Variants in SLC5A10 observed in about 807,000 individuals in gnomAD.
SLC5A10 encodes solute carrier family 5 member 10.
In SLC5A10, 55 loss-of-function variants were observed where a neutral mutation model predicts 68.9. The ratio of observed to expected loss-of-function variants is 0.80; its 90% CI spans 0.64 to 1.00. SLC5A10 has a LOEUF of 1.00. Among genes scored for constraint, SLC5A10 ranks in the 50% least tolerant of loss-of-function variants. The pLI is 0.00. For missense variants in SLC5A10, 732 were observed against 819.3 expected (o/e 0.89, Z 1.30); for synonymous variants, 344 against 344.8 (o/e 1.00, Z 0.02).
At position 18,960,836 on chromosome 17, in the gene SLC5A10, C is replaced by A. The variant is rs534290540; in HGVS notation, c.453+184C>A. On this transcript the variant is annotated intron_variant, in intron 5 of 14. Transcript: ENST00000395645. ...GCGAGTCTGGACAGGTAGTCCAGGGCCCCCGGGGTGTAGGCTCAGCAGCCA... is the reference window on the plus strand; with the variant it reads ...GCGAGTCTGGACAGGTAGTCCAGGGACCCCGGGGTGTAGGCTCAGCAGCCA... Among the ~76,000 whole-genome samples the A allele has an allele frequency of 3.3e-5, 5 of 152,254 alleles. No individual in the cohort carries two copies. In the South Asian group the frequency reaches 8.3e-4, roughly 25 times the overall value.
At chr17:18,978,992 C>A in intron 9 of SLC5A10, 1 of 929,532 alleles carries the variant, frequency 1.1e-6, no homozygotes, top group Non-Finnish European at 1.6e-6. Flanking sequence ...AGAGCAGGTG[C>A]ATACTGTGGG....
intron 9 of SLC5A10, among the ~76,000 whole-genome samples, chr17:18,990,993 C>T (rs2043407883): frequency 6.6e-6 from 1 of 152,216 alleles, no homozygotes; most frequent in South Asian, 2.1e-4. Flanking sequence ...GGCATCAGTC[C>T]TGGGCCCTTG....
chr17:19,021,948 C>A lies in SLC5A10; in HGVS notation c.*1517C>A. On this transcript the variant is annotated 3_prime_UTR_variant, in exon 15 of 15. Transcript: ENST00000395645. This position sits in a 1 kb window ranked among gnomAD's most constrained non-coding sequence, Gnocchi z 4.1. ...AAAAAGGCCCGTTGGCCAGATCGGC[C>A]GCCGGGCTGCTCACAGGTGCACGGG... 1 of 1,504,592 alleles carries A rather than the reference C, an allele frequency of 6.6e-7. No homozygotes were observed. The highest frequency in any genetic ancestry group is 8.9e-7 in the Non-Finnish European group (1 of 1,127,702). 93.2% of individuals were successfully genotyped at this position (1,504,592 alleles called of 1,614,324 possible). A position where few individuals can be genotyped will look rare whatever the true frequency, so the allele number is the denominator to read the frequency against.
chr17:19,005,661 A>C (rs2043866675), intron 9 of SLC5A10, among the ~76,000 whole-genome samples: 1 of 141,036 alleles, frequency 7.1e-6, no homozygotes, highest in African/African-American at 2.8e-5. Flanking sequence ...CCCCCCTCCA[A>C]GGCCTTCTCC....
intron 5 of SLC5A10, among the ~76,000 whole-genome samples, chr17:18,966,763 A>C (rs1454401338): frequency 6.6e-6 from 1 of 151,354 alleles, no homozygotes; most frequent in East Asian, 1.9e-4. Context: ...AAAAAAAAAA[A>C]AAACAACACT....
intron 9 of SLC5A10, chr17:18,988,421 G>A: frequency 6.2e-7 from 1 of 1,613,592 alleles, no homozygotes; most frequent in African/African-American, 1.3e-5. Flanking sequence ...TCACCTGGGA[G>A]CAAGAAGAGA....
At chr17:19,002,242 C>T (rs914087729) in intron 9 of SLC5A10, among the ~76,000 whole-genome samples, 1 of 152,242 alleles carries the variant, frequency 6.6e-6, no homozygotes, top group Non-Finnish European at 1.5e-5. Flanking sequence ...AACCCGAAGC[C>T]TCAAAGCTGC....
chr17:18,976,547 C>A, intron 8 of SLC5A10: 1 of 356,768 alleles, frequency 2.8e-6, no homozygotes, highest in Non-Finnish European at 5.1e-6. Flanking sequence ...CCCAGGGTCT[C>A]CTCCAGCCCT....
rs189803890 is a variant in SLC5A10, at chr17:18,981,576, T to C, written c.982+4587T>C. On this transcript the variant is annotated intron_variant, in intron 9 of 14. Coordinates refer to ENST00000395645, the MANE Select transcript of SLC5A10 (RefSeq NM_001042450.4). ...CTGCCCGCCATGCCATCCAGCCTCC[T>C]GCCCTGCCAGTCCTTTCCGTGTCCC... Among the ~76,000 whole-genome samples the C allele has an allele frequency of 3.3e-3, 502 of 152,264 alleles. 3 individuals are homozygous for C. Among genetic ancestry groups the C allele is most frequent in the African/African-American group, 0.012 (488 of 41,556 alleles).
rs72836758 is a variant in SLC5A10, at chr17:19,019,655, G to T, written c.1411-58G>T. The T allele has an allele frequency of 1.3e-3, 2,129 of 1,601,926 alleles. 3 individuals are homozygous for T. Among genetic ancestry groups the T allele is most frequent in the Non-Finnish European group, 1.6e-3 (1,909 of 1,176,228 alleles). Reference sequence around the variant, plus strand: ...CAATTTGCTCTTCCCTGCTGCCTGTGGGGGGAGCCTTGGTCCTCCTCCCGT... The same window carrying T: ...CAATTTGCTCTTCCCTGCTGCCTGTTGGGGGAGCCTTGGTCCTCCTCCCGT... On this transcript the variant is annotated intron_variant, in intron 12 of 14. Transcript: ENST00000395645.
At chr17:18,969,497 T>G in intron 7 of SLC5A10, 75 bp downstream of exon 7, 2 of 1,378,906 alleles carry the variant, frequency 1.5e-6, no homozygotes, top group Non-Finnish European at 2.0e-6. Flanking sequence ...TGCCCGGCAC[T>G]GTGCAGGATT....
intron 8 of SLC5A10, 145 bp from the exon 9 acceptor site, chr17:18,976,709 C>T (rs961748949): frequency 1.0e-5 from 11 of 1,088,042 alleles, no homozygotes; most frequent in Admixed American, 2.4e-5. Flanking sequence ...AGTATTGGGG[C>T]TTTGAGTGTG....
At chr17:19,008,496 C>T (rs1490398114) in intron 9 of SLC5A10, among the ~76,000 whole-genome samples, 2 of 147,088 alleles carry the variant, frequency 1.4e-5, no homozygotes, top group African/African-American at 5.3e-5. Context: ...GAGACAGCCT[C>T]ACAGATTTTT....
chr17:18,974,719 G>A (rs985782449), intron 8 of SLC5A10, among the ~76,000 whole-genome samples: 1 of 152,238 alleles, frequency 6.6e-6, no homozygotes, highest in Non-Finnish European at 1.5e-5. Context: ...CCAGGGACAG[G>A]CTTGGCCGGC....
intron 8 of SLC5A10, among the ~76,000 whole-genome samples, chr17:18,973,800 T>C (rs1004593168): frequency 6.8e-6 from 1 of 147,466 alleles, no homozygotes; most frequent in Non-Finnish European, 1.5e-5. Context: ...TGGGTTCAAG[T>C]GATTCTCCTG....
At chr17:18,970,028 G>C (rs990689237) in intron 7 of SLC5A10, 3 of 152,350 alleles carry the variant, frequency 2.0e-5, no homozygotes, top group African/African-American at 7.2e-5. Context: ...TCCAGACTCA[G>C]ACACTGGGAC....
intron 8 of SLC5A10, among the ~76,000 whole-genome samples, chr17:18,974,754 G>A (rs2042938329): frequency 6.6e-6 from 1 of 152,186 alleles, no homozygotes; most frequent in Non-Finnish European, 1.5e-5. Context: ...CACTTAAGTC[G>A]TTGCAACAAC....
At chr17:19,019,628 C>T (rs1411867160) in intron 12 of SLC5A10, 37 bp downstream of exon 12, 2 of 1,605,584 alleles carry the variant, frequency 1.2e-6, no homozygotes, top group Non-Finnish European at 1.7e-6. Flanking sequence ...GGGGACGTGC[C>T]ACAATTTGCT....
rs1567785289 is a variant in SLC5A10 at position 18,971,372 on chromosome 17, C to CGAT, written c.846+155_846+156insATG. 6.2e-7 allele frequency: 1 copy of CGAT among 1,611,056 alleles called. No homozygotes were observed. The highest frequency in any genetic ancestry group is 8.5e-7 in the Non-Finnish European group (1 of 1,178,492). ...TGGGACATGCTGCTAGGGGTCTTTG[C>CGAT]GGTCCCGGGGGGCTTGAGCCCTCCG... is the stretch of plus-strand genomic sequence containing the variant. On this transcript the variant is annotated intron_variant, in intron 8 of 14. Transcript: ENST00000395645. The surrounding 1 kb of genome is among the most constrained non-coding windows in gnomAD (Gnocchi z 5.5).
Sources: allele counts gnomAD v4.1 joint callset (sites outside exome capture counted in the v4.1 genomes callset), GRCh38; gene constraint gnomAD v4.1.1; non-coding constraint Gnocchi (gnomAD v3.1); transcripts MANE v1.5; gene names NCBI Gene and HGNC (gene_info 2026-07-23, HGNC 2026-07-21).